Variants in STK10 observed in about 807,000 individuals in gnomAD.
STK10 encodes serine/threonine-protein kinase 10.
In STK10, 78 loss-of-function variants were observed where a neutral mutation model predicts 113.8. The observed-to-expected ratio is 0.69, with a 90% confidence interval of 0.57 to 0.83. The LOEUF is 0.83. STK10 is among the 40% of genes least tolerant of loss of function. The pLI, the probability that STK10 is intolerant of heterozygous loss-of-function variation, is 0.00. For synonymous variants in STK10, 465 were observed against 494.7 expected (o/e 0.94, Z 0.80); for missense variants, 1,109 against 1,280.1 (o/e 0.87, Z 2.04).
intron 18 of STK10, among the ~76,000 whole-genome samples, chr5:172,049,262 A>G (rs1252828530): frequency 6.6e-6 from 1 of 152,328 alleles, no homozygotes; most frequent in East Asian, 1.9e-4. Flanking sequence ...CGAATGAACC[A>G]TCAAGCTAAC....
At chr5:172,062,476 A>T (rs1208758603) in intron 13 of STK10, among the ~76,000 whole-genome samples, 1 of 152,208 alleles carries the variant, frequency 6.6e-6, no homozygotes, top group Admixed American at 6.5e-5. Context: ...TATTCACAAC[A>T]GTCAAGGGAT....
chr5:172,148,164 C>T (rs1237911073), intron 2 of STK10, among the ~76,000 whole-genome samples: 3 of 152,142 alleles, frequency 2.0e-5, no homozygotes, highest in Non-Finnish European at 2.9e-5. Context: ...GCACTATCAT[C>T]CCCGACGTCC....
rs33933488 is a variant in STK10 at position 172,134,745 on chromosome 5, CAAA to C, written c.322-7327_322-7325del. ...GCAACATAGGGAGACCTCATATTTA[CAAA>C]AAAAAAAAAAAGGAAAAAAATTTTC... On this transcript the variant is annotated intron_variant, in intron 2 of 18. Coordinates refer to ENST00000176763, the MANE Select transcript of STK10 (RefSeq NM_005990.4). 8.5e-4 allele frequency among the ~76,000 whole-genome samples: 112 copies of C among 132,260 alleles called. 3 individuals are homozygous for C. Among genetic ancestry groups the C allele is most frequent in the African/African-American group, 2.7e-3 (93 of 34,614 alleles). 86.8% of individuals were successfully genotyped at this position (132,260 alleles called of 152,430 possible). A position where few individuals can be genotyped will look rare whatever the true frequency, so the allele number is the denominator to read the frequency against.
intron 2 of STK10, among the ~76,000 whole-genome samples, chr5:172,150,197 T>C (rs1486112172): frequency 2.0e-5 from 3 of 151,832 alleles, no homozygotes; most frequent in Non-Finnish European, 4.4e-5. Context: ...TCAGGTCTCC[T>C]AGGCTGGGCA....
At chr5:172,119,387 G>C (rs951793184) in intron 3 of STK10, among the ~76,000 whole-genome samples, 4 of 152,110 alleles carry the variant, frequency 2.6e-5, no homozygotes, top group African/African-American at 9.7e-5. Context: ...GAAGTTCTGA[G>C]TGGGCCAGAC....
chr5:172,106,552 C>G, intron 6 of STK10, 68 bp downstream of exon 6: 2 of 1,494,042 alleles, frequency 1.3e-6, no homozygotes, highest in South Asian at 1.3e-5. Context: ...CCAGCCCCGT[C>G]CACCACATAT....
intron 10 of STK10, among the ~76,000 whole-genome samples, chr5:172,086,359 C>G (rs189841521): frequency 2.0e-5 from 3 of 152,000 alleles, no homozygotes; most frequent in Non-Finnish European, 4.4e-5. Flanking sequence ...AGAGTGTTAA[C>G]GAGGAAATGG....
intron 1 of STK10, among the ~76,000 whole-genome samples, chr5:172,177,939 C>G (rs1172687903): frequency 6.6e-6 from 1 of 152,160 alleles, no homozygotes; most frequent in Non-Finnish European, 1.5e-5. Context: ...GGTGATTTTC[C>G]TGCCTCAGCC....
At chr5:172,109,503 T>A (rs1254957428) in intron 4 of STK10, among the ~76,000 whole-genome samples, 3 of 151,340 alleles carry the variant, frequency 2.0e-5, no homozygotes, top group Non-Finnish European at 4.4e-5. Flanking sequence ...AGAGATGGAG[T>A]CTCTATGTTG....
chr5:172,101,746 G>A (rs538129305), intron 7 of STK10, among the ~76,000 whole-genome samples: 5 of 152,318 alleles, frequency 3.3e-5, no homozygotes, highest in African/African-American at 1.2e-4. Context: ...GGGTGGTTGG[G>A]GGAGGCCTCA....
At chr5:172,152,468 C>T (rs567056231) in intron 2 of STK10, among the ~76,000 whole-genome samples, 3 of 152,270 alleles carry the variant, frequency 2.0e-5, no homozygotes, top group African/African-American at 7.2e-5. Context: ...AGGACATTCA[C>T]GAGGTCAGCC....
chr5:172,170,122 C>A (rs1296892971), intron 1 of STK10, among the ~76,000 whole-genome samples: 1 of 119,436 alleles, frequency 8.4e-6, no homozygotes, highest in Non-Finnish European at 1.7e-5. Context: ...AGTATGTATC[C>A]TTTTTTTTTT....
intron 9 of STK10, among the ~76,000 whole-genome samples, chr5:172,091,563 C>G (rs1239728660): frequency 5.5e-5 from 8 of 145,428 alleles, no homozygotes; most frequent in Non-Finnish European, 1.2e-4. Context: ...TGGAGTCTCG[C>G]TCTGTTGCCC....
intron 8 of STK10, 92 bp from the exon 9 acceptor site, chr5:172,094,052 A>G: frequency 9.5e-7 from 1 of 1,049,450 alleles, no homozygotes; most frequent in East Asian, 3.0e-5. Flanking sequence ...AGACACCCTC[A>G]AGATGAAGTG....
intron 2 of STK10, among the ~76,000 whole-genome samples, chr5:172,135,661 T>C (rs1332926199): frequency 6.6e-6 from 1 of 152,242 alleles, no homozygotes; most frequent in Non-Finnish European, 1.5e-5. Flanking sequence ...AGCATTACTA[T>C]TGATCCAAAT....
At chr5:172,149,746 C>G (rs192127827) in intron 2 of STK10, among the ~76,000 whole-genome samples, 1 of 152,132 alleles carries the variant, frequency 6.6e-6, no homozygotes, top group Non-Finnish European at 1.5e-5. Context: ...GGGCAGACTC[C>G]GTTGAAAGAC....
chr5:172,143,490 G>A (rs527888347), intron 2 of STK10, among the ~76,000 whole-genome samples: 90 of 152,312 alleles, frequency 5.9e-4, no homozygotes, highest in Non-Finnish European at 1.3e-3. Context: ...GGGCTTTCCT[G>A]AGGCCAAGAG....
chr5:172,127,334 G>A (rs1178917175), intron 3 of STK10, 39 bp downstream of exon 3: 17 of 1,612,368 alleles, frequency 1.1e-5, no homozygotes, highest in East Asian at 2.2e-5. Flanking sequence ...CAAACGAGTC[G>A]TCTGGTCCCG....
intron 2 of STK10, among the ~76,000 whole-genome samples, chr5:172,130,897 A>G (rs534540641): frequency 6.6e-6 from 1 of 152,280 alleles, no homozygotes; most frequent in South Asian, 2.1e-4. Flanking sequence ...TAGGATTCCT[A>G]CAAAAATATG....
Sources: gnomAD v4.1 joint callset for allele counts (sites outside exome capture counted in the v4.1 genomes callset) on GRCh38, gnomAD v4.1.1 for gene constraint, MANE v1.5 for transcripts, NCBI Gene and HGNC (gene_info 2026-07-23, HGNC 2026-07-21) for gene names.